LRMDA: variants seen among roughly 807,000 people sequenced by gnomAD.
LRMDA encodes the protein leucine rich melanocyte differentiation associated.
Under a neutral mutation model 29.8 loss-of-function variants are expected in LRMDA, and 18 were observed. The observed-to-expected ratio is 0.60, with a 90% CI of 0.42 to 0.90. The LOEUF (loss-of-function observed/expected upper bound fraction) is 0.90. LRMDA is among the 40% of genes least tolerant of loss of function. The probability of loss-of-function intolerance (pLI) is 0.00; values close to 1 mark genes in which losing one functional copy is unlikely to be tolerated. For missense variants in LRMDA, 273 were observed against 273.9 expected (o/e 1.00, Z 0.02); for synonymous variants, 125 against 109.4 (o/e 1.14, Z -0.89).
rs138346901 is a variant in LRMDA at position 76,427,896 on chromosome 10, T to C, written c.601+103411T>C. Among the ~76,000 whole-genome samples, 939 of 152,324 alleles carry C rather than the reference T, an allele frequency of 6.2e-3. 5 individuals are homozygous for C. Among genetic ancestry groups the C allele is most frequent in the African/African-American group, 0.022 (912 of 41,572 alleles). On this transcript the variant is annotated intron_variant, in intron 6 of 6. Transcript: ENST00000611255. Reference sequence around the variant, plus strand: ...TTTGTCTTTGGTTCTGTTTATATGCTGGATTATGTCTATTGATTTGCATAT... The same window carrying C: ...TTTGTCTTTGGTTCTGTTTATATGCCGGATTATGTCTATTGATTTGCATAT...
intron 2 of LRMDA, among the ~76,000 whole-genome samples, chr10:75,475,023 C>T (rs1844773103): frequency 1.3e-5 from 2 of 152,176 alleles, no homozygotes; most frequent in South Asian, 4.1e-4. Flanking sequence ...CCAGCACCTG[C>T]ACATAGTCAT....
At chr10:75,439,920 C>G (rs1391688458) in intron 2 of LRMDA, among the ~76,000 whole-genome samples, 1 of 152,012 alleles carries the variant, frequency 6.6e-6, no homozygotes, top group African/African-American at 2.4e-5. Flanking sequence ...AGGAGTTCCT[C>G]CTGTGTGACC....
At chr10:76,473,532 C>T (rs761206515) in intron 6 of LRMDA, among the ~76,000 whole-genome samples, 10 of 150,182 alleles carry the variant, frequency 6.7e-5, no homozygotes, top group Non-Finnish European at 1.5e-4. Flanking sequence ...GACAAGAAAA[C>T]AAAATCAACT....
At chr10:75,664,046 C>T (rs186053133) in intron 2 of LRMDA, among the ~76,000 whole-genome samples, 21 of 152,258 alleles carry the variant, frequency 1.4e-4, no homozygotes, top group Admixed American at 7.8e-4. Flanking sequence ...TCGAATAGTC[C>T]GTAAAGTTTA....
intron 5 of LRMDA, among the ~76,000 whole-genome samples, chr10:76,248,637 A>G (rs1416139590): frequency 6.6e-6 from 1 of 152,226 alleles, no homozygotes; most frequent in Non-Finnish European, 1.5e-5. Flanking sequence ...AAGCAGAGCT[A>G]CATTTGCAGA....
chr10:75,804,519 A>T (rs766615359), intron 2 of LRMDA, among the ~76,000 whole-genome samples: 3 of 152,254 alleles, frequency 2.0e-5, no homozygotes, highest in Non-Finnish European at 4.4e-5. Flanking sequence ...AGCAGCTGTG[A>T]CAGTGAAGAA....
intron 6 of LRMDA, among the ~76,000 whole-genome samples, chr10:76,461,456 T>C (rs1340357137): frequency 2.0e-5 from 3 of 152,332 alleles, no homozygotes; most frequent in East Asian, 1.9e-4. Flanking sequence ...CTTTAGTGCA[T>C]TGCTTCCAGA....
intron 2 of LRMDA, among the ~76,000 whole-genome samples, chr10:75,808,000 G>T (rs867070907): frequency 1.8e-4 from 27 of 152,180 alleles, no homozygotes; most frequent in South Asian, 2.1e-4. Flanking sequence ...CACACAGTAT[G>T]TGGGCATTTG....
intron 5 of LRMDA, among the ~76,000 whole-genome samples, chr10:76,319,741 T>C (rs532465658): frequency 7.4e-5 from 8 of 107,928 alleles, no homozygotes; most frequent in Non-Finnish European, 1.2e-4. Flanking sequence ...GAAGATTGCT[T>C]TTGCTTGAAA....
intron 6 of LRMDA, among the ~76,000 whole-genome samples, chr10:76,464,445 G>A (rs888493295): frequency 3.9e-5 from 6 of 152,144 alleles, no homozygotes; most frequent in African/African-American, 1.2e-4. Context: ...GAGCTCCTAG[G>A]TGAGGACAAT....
At chr10:75,435,958 A>G (rs947789116) in intron 1 of LRMDA, among the ~76,000 whole-genome samples, 1 of 151,704 alleles carries the variant, frequency 6.6e-6, no homozygotes, top group Non-Finnish European at 1.5e-5. Flanking sequence ...GGTGGCTTGT[A>G]TCTGCAATTC....
At chr10:75,937,096 A>G (rs966341269) in intron 2 of LRMDA, among the ~76,000 whole-genome samples, 1 of 152,178 alleles carries the variant, frequency 6.6e-6, no homozygotes, top group South Asian at 2.1e-4. Context: ...AAATACGTAT[A>G]TTGTGAAACC....
At chr10:76,225,548 C>T (rs1011105590) in intron 5 of LRMDA, among the ~76,000 whole-genome samples, 1 of 151,884 alleles carries the variant, frequency 6.6e-6, no homozygotes, top group East Asian at 1.9e-4. Context: ...ATTATAAGTT[C>T]CTGTAACAGC....
chr10:75,631,221 C>T (rs1464389551), intron 2 of LRMDA, among the ~76,000 whole-genome samples: 1 of 152,136 alleles, frequency 6.6e-6, no homozygotes, highest in African/African-American at 2.4e-5. Context: ...CCCAAGACCT[C>T]GTACTCCTCA....
At chr10:76,301,983 A>G (rs1248075237) in intron 5 of LRMDA, among the ~76,000 whole-genome samples, 5 of 152,218 alleles carry the variant, frequency 3.3e-5, no homozygotes, top group African/African-American at 1.2e-4. Flanking sequence ...TTTGCTTAAA[A>G]TGTTCATGGC....
At chr10:75,703,500 G>A (rs1018542520) in intron 2 of LRMDA, among the ~76,000 whole-genome samples, 1 of 152,224 alleles carries the variant, frequency 6.6e-6, no homozygotes, top group Admixed American at 6.5e-5. Flanking sequence ...AAAATGAGAA[G>A]TACCCAGTAG....
chr10:76,257,642 G>GTATTTT (rs1852621654), intron 5 of LRMDA, among the ~76,000 whole-genome samples: 1 of 152,062 alleles, frequency 6.6e-6, no homozygotes, highest in African/African-American at 2.4e-5. Context: ...CCAGCACTGG[G>GTATTTT]TATTTTTATT....
intron 6 of LRMDA, among the ~76,000 whole-genome samples, chr10:76,423,090 G>A (rs1842087081): frequency 6.6e-6 from 1 of 152,298 alleles, no homozygotes; most frequent in South Asian, 2.1e-4. Context: ...ACGAAGATGA[G>A]TGTATTTAAA....
chr10:76,508,599 T>C (rs950125577), intron 6 of LRMDA, among the ~76,000 whole-genome samples: 3 of 152,204 alleles, frequency 2.0e-5, no homozygotes, highest in Admixed American at 6.5e-5. Flanking sequence ...CTTGACTTTT[T>C]TTTTTTACAT....
Sources: allele counts gnomAD v4.1 joint callset (sites outside exome capture counted in the v4.1 genomes callset), GRCh38; gene constraint gnomAD v4.1.1; transcripts MANE v1.5; gene names NCBI Gene and HGNC (gene_info 2026-07-23, HGNC 2026-07-21).